CSMD3: variants seen among roughly 807,000 people sequenced by gnomAD.
CSMD3 encodes CUB and sushi domain-containing protein 3.
A neutral mutation model predicts 435.2 loss-of-function variants in CSMD3; 177 were observed. The observed-to-expected ratio is 0.41, with a 90% CI of 0.36 to 0.46. CSMD3 has a LOEUF of 0.46. Among genes scored for constraint, CSMD3 ranks in the 20% least tolerant of loss-of-function variants. The probability of loss-of-function intolerance (pLI) is 0.34; values close to 1 mark genes in which losing one functional copy is unlikely to be tolerated. For missense variants in CSMD3, 4,265 were observed against 4,504.6 expected, an observed-to-expected ratio of 0.95 and a Z score of 1.52; for synonymous variants, 1,656 against 1,520.5, an observed-to-expected ratio of 1.09 and a Z score of -2.07.
At chr8:112,400,883 T>G (rs898301192) in intron 35 of CSMD3, among the ~76,000 whole-genome samples, 4 of 152,180 alleles carry the variant, frequency 2.6e-5, no homozygotes, top group African/African-American at 9.7e-5. Flanking sequence ...CCCTCTTCAG[T>G]TTCAGACACA....
intron 1 of CSMD3, among the ~76,000 whole-genome samples, chr8:113,349,047 A>G (rs2094172095): frequency 1.3e-5 from 2 of 152,084 alleles, no homozygotes; most frequent in African/African-American, 2.4e-5. Context: ...CTAGTTTACT[A>G]TTTGGTTTTA....
intron 38 of CSMD3, among the ~76,000 whole-genome samples, chr8:112,373,247 G>T (rs1828613677): frequency 6.6e-6 from 1 of 151,870 alleles, no homozygotes; most frequent in Non-Finnish European, 1.5e-5. Flanking sequence ...TGCATCTGTT[G>T]CTGGTATTCA....
chr8:112,406,065 G>T (rs946382514), intron 35 of CSMD3, among the ~76,000 whole-genome samples: 2 of 151,838 alleles, frequency 1.3e-5, no homozygotes, highest in African/African-American at 4.8e-5. Context: ...ATAAAAACTA[G>T]AGGAGATGGA....
chr8:112,714,822 C>T lies in CSMD3; in HGVS notation c.1973-24772G>A, dbSNP rs149112538. On this transcript the variant is annotated intron_variant, in intron 13 of 70. Coordinates refer to ENST00000297405, the MANE Select transcript of CSMD3 (RefSeq NM_198123.2). Reference sequence around the variant, plus strand: ...TTGAATAACCTGCTCCTGAAAGACTCCTGGTTAAAAATAATGAAATTAAGG... The same window carrying T: ...TTGAATAACCTGCTCCTGAAAGACTTCTGGTTAAAAATAATGAAATTAAGG... Among the ~76,000 whole-genome samples the T allele has an allele frequency of 8.4e-3, 1,283 of 152,098 alleles. 20 individuals are homozygous for T. Among genetic ancestry groups the T allele is most frequent in the African/African-American group, 0.03 (1,231 of 41,500 alleles).
intron 10 of CSMD3, among the ~76,000 whole-genome samples, chr8:112,882,425 T>C (rs2130220417): frequency 6.6e-6 from 1 of 152,154 alleles, no homozygotes; most frequent in Middle Eastern, 3.4e-3. Context: ...ACTGTTTCCC[T>C]ACAAGCTTCC....
At chr8:112,864,861 T>A (rs1409255409) in intron 10 of CSMD3, among the ~76,000 whole-genome samples, 2 of 152,192 alleles carry the variant, frequency 1.3e-5, no homozygotes, top group African/African-American at 2.4e-5. Flanking sequence ...TTTATGATTA[T>A]CTTAACTTTT....
At chr8:113,039,950 C>CA (rs1215304641) in intron 5 of CSMD3, among the ~76,000 whole-genome samples, 1 of 152,020 alleles carries the variant, frequency 6.6e-6, no homozygotes, top group East Asian at 1.9e-4. Flanking sequence ...AAACAACAGA[C>CA]AAAGATATCA....
chr8:112,475,207 A>G (rs912885645), intron 31 of CSMD3, among the ~76,000 whole-genome samples: 1 of 152,338 alleles, frequency 6.6e-6, no homozygotes, highest in South Asian at 2.1e-4. Flanking sequence ...ACTCAAGTTC[A>G]GTTCTGTAAC....
intron 30 of CSMD3, among the ~76,000 whole-genome samples, chr8:112,502,313 C>T (rs1315459097): frequency 6.6e-6 from 1 of 152,230 alleles, no homozygotes; most frequent in Non-Finnish European, 1.5e-5. Flanking sequence ...CCCCAAACCT[C>T]ACTGTCTGTG....
At chr8:112,881,824 G>A (rs1191426553) in intron 10 of CSMD3, among the ~76,000 whole-genome samples, 1 of 151,954 alleles carries the variant, frequency 6.6e-6, no homozygotes, top group Non-Finnish European at 1.5e-5. Context: ...GGAGACTACT[G>A]CTGGGAATTG....
intron 24 of CSMD3, 121 bp from the exon 25 acceptor site, chr8:112,557,075 C>T (rs1323332914): frequency 7.7e-6 from 5 of 653,290 alleles, no homozygotes; most frequent in Admixed American, 5.2e-5. Context: ...TCATATTGCC[C>T]TTACCATATT....
intron 63 of CSMD3, among the ~76,000 whole-genome samples, chr8:112,248,211 T>C (rs1196756472): frequency 6.6e-6 from 1 of 152,084 alleles, no homozygotes; most frequent in Non-Finnish European, 1.5e-5. Flanking sequence ...TTAAATGAAA[T>C]AGAATTTATA....
chr8:112,985,609 T>C (rs1420689158), intron 6 of CSMD3, among the ~76,000 whole-genome samples: 1 of 152,074 alleles, frequency 6.6e-6, no homozygotes, highest in Non-Finnish European at 1.5e-5. Context: ...CAGCCGAAGA[T>C]GAGTGGTGAG....
chr8:113,374,577 G>C (rs1394239221), intron 1 of CSMD3, among the ~76,000 whole-genome samples: 2 of 151,966 alleles, frequency 1.3e-5, no homozygotes, highest in Non-Finnish European at 2.9e-5. Context: ...TATCAGACAA[G>C]TGAAATCTAG....
chr8:113,332,216 T>C (rs1047777762), intron 1 of CSMD3, among the ~76,000 whole-genome samples: 2 of 150,232 alleles, frequency 1.3e-5, no homozygotes, highest in African/African-American at 2.4e-5. Context: ...TTTACTGCTA[T>C]AAAAATGCTA....
At chr8:112,667,054 C>G (rs2075543327) in intron 16 of CSMD3, among the ~76,000 whole-genome samples, 1 of 151,914 alleles carries the variant, frequency 6.6e-6, no homozygotes, top group South Asian at 2.1e-4. Context: ...AATATTGTAT[C>G]CTCTGATTTC....
chr8:112,693,540 C>A (rs1174361412), intron 13 of CSMD3, among the ~76,000 whole-genome samples: 2 of 151,936 alleles, frequency 1.3e-5, no homozygotes, highest in Non-Finnish European at 2.9e-5. Flanking sequence ...GATTTTAATT[C>A]TTTCATAATT....
At chr8:113,052,026 T>C (rs931638990) in intron 5 of CSMD3, among the ~76,000 whole-genome samples, 2 of 152,364 alleles carry the variant, frequency 1.3e-5, no homozygotes, top group East Asian at 3.9e-4. Context: ...GATTTGGATA[T>C]TTTGACTTTG....
intron 4 of CSMD3, among the ~76,000 whole-genome samples, chr8:113,119,949 G>A (rs977731422): frequency 3.1e-5 from 3 of 96,290 alleles, no homozygotes; most frequent in Admixed American, 2.5e-4. Context: ...TTTAAAGAGA[G>A]TCTGTTCAAA....
Sources: allele counts gnomAD v4.1 joint callset (sites outside exome capture counted in the v4.1 genomes callset), GRCh38; gene constraint gnomAD v4.1.1; transcripts MANE v1.5; gene names NCBI Gene and HGNC (gene_info 2026-07-23, HGNC 2026-07-21).